The following KIF13A variants were observed in gnomAD, a reference collection of about 807,000 sequenced individuals.
KIF13A encodes kinesin-like protein KIF13A.
A neutral mutation model predicts 212.2 loss-of-function variants in KIF13A; 79 were observed. That is an observed-to-expected ratio of 0.37 (90% CI 0.31 to 0.45). The LOEUF (loss-of-function observed/expected upper bound fraction) is 0.45, where lower values mean the gene tolerates loss of function less well. KIF13A is among the 20% of genes least tolerant of loss of function. The pLI, the probability that KIF13A is intolerant of heterozygous loss-of-function variation, is 1.00. For missense variants in KIF13A, 1,901 were observed against 2,209.0 expected, an observed-to-expected ratio of 0.86 and a Z score of 2.79; for synonymous variants, 789 against 808.6, an observed-to-expected ratio of 0.98 and a Z score of 0.41.
rs1439749920 is a variant in KIF13A at position 17,963,522 on chromosome 6, C to A, written c.146+23532G>T. On this transcript the variant is annotated intron_variant, in intron 2 of 38. Coordinates refer to ENST00000259711, the MANE Select transcript of KIF13A (RefSeq NM_022113.6). The surrounding 1 kb of genome is among the most constrained non-coding windows in gnomAD (Gnocchi z 4.1). ...TATATTACCGATGACCACAAAAGGG[C>A]CCCAAGAGATTTGAGATTTGTAGGA... is the stretch of plus-strand genomic sequence containing the variant. 1.3e-5 allele frequency among the ~76,000 whole-genome samples: 2 copies of A among 152,152 alleles called. No homozygotes were observed. The highest frequency in any genetic ancestry group is 2.9e-5 in the Non-Finnish European group (2 of 68,028).
chr6:17,967,091 T>A lies in KIF13A; in HGVS notation c.146+19963A>T, dbSNP rs898140100. 3.9e-5 allele frequency among the ~76,000 whole-genome samples: 6 copies of A among 152,186 alleles called. No individual in the cohort carries two copies. The highest frequency in any genetic ancestry group is 2.0e-4 in the Admixed American group (3 of 15,274). ...ATTATGCACTTTCTCAGGGGAAAAG[T>A]AATCCGAGGAGATAAAAACTTTGGT... is the stretch of plus-strand genomic sequence containing the variant. On this transcript the variant is annotated intron_variant, in intron 2 of 38. Transcript: ENST00000259711. This position sits in a 1 kb window ranked among gnomAD's most constrained non-coding sequence, Gnocchi z 4.1.
intron 6 of KIF13A, 130 bp from the exon 7 acceptor site, chr6:17,852,172 C>T (rs918819934): frequency 2.3e-6 from 1 of 443,264 alleles, no homozygotes; most frequent in Non-Finnish European, 4.0e-6. Context: ...CCCAACAAAT[C>T]TAAAAGCTAC....
intron 2 of KIF13A, among the ~76,000 whole-genome samples, chr6:17,974,615 AGAG>A (rs2150618110): frequency 6.6e-6 from 1 of 152,122 alleles, no homozygotes; most frequent in African/African-American, 2.4e-5. Context: ...ACTAAGTTTT[AGAG>A]TAGTTAAGCA....
intron 4 of KIF13A, among the ~76,000 whole-genome samples, chr6:17,863,372 C>CT (rs35627842): frequency 0.05 from 7,012 of 139,702 alleles, 518 homozygotes; most frequent in African/African-American, 0.17. Context: ...AAAATACTTT[C>CT]TTTTTTTTTT....
Position 17,856,604 on chromosome 6 carries a change from G to C in KIF13A, c.221-482C>G, listed in dbSNP as rs557541398. 2.0e-5 allele frequency among the ~76,000 whole-genome samples: 3 copies of C among 152,296 alleles called. No homozygotes were observed. In the East Asian group the frequency reaches 5.8e-4, roughly 29 times the overall value. On this transcript the variant is annotated intron_variant, in intron 4 of 38. Coordinates refer to ENST00000259711, the MANE Select transcript of KIF13A (RefSeq NM_022113.6). The surrounding 1 kb of genome is among the most constrained non-coding windows in gnomAD (Gnocchi z 4.5). ...TGCTGAGGATGGATTGACAACTTCAGCTGCTGTTTGTAGATTCACAGGCAC... is the reference window on the plus strand; with the variant it reads ...TGCTGAGGATGGATTGACAACTTCACCTGCTGTTTGTAGATTCACAGGCAC...
At chr6:17,930,197 A>C (rs578209809) in intron 2 of KIF13A, among the ~76,000 whole-genome samples, 5 of 152,322 alleles carry the variant, frequency 3.3e-5, no homozygotes, top group South Asian at 4.1e-4. Flanking sequence ...GAAAAAAAAG[A>C]AGCACAATTT....
rs1162938037 is a variant in KIF13A, at chr6:17,771,897, C to G, written c.4476+11G>C. On this transcript the variant is annotated intron_variant, in intron 37 of 38. Coordinates refer to ENST00000259711, the MANE Select transcript of KIF13A (RefSeq NM_022113.6). This position sits in a 1 kb window ranked among gnomAD's most constrained non-coding sequence, Gnocchi z 5.4. ...TCTATTCTGCATAGTACAGACAAGT[C>G]AAGCATTTACCTCCTGGCTTAGAAG... The G allele has an allele frequency of 1.2e-6, 2 of 1,613,702 alleles. No individual in the cohort carries two copies. Among genetic ancestry groups the G allele is most frequent in the Non-Finnish European group, 1.7e-6 (2 of 1,179,724 alleles).
chr6:17,906,995 T>G (rs193182031), intron 2 of KIF13A, among the ~76,000 whole-genome samples: 90 of 152,280 alleles, frequency 5.9e-4, no homozygotes, highest in African/African-American at 2.0e-3. Flanking sequence ...ATTTCAGAGG[T>G]AGCACATTTC....
In KIF13A at chr6:17,915,948, TA is replaced by T. The variant is rs1212179293; in HGVS notation, c.147-17769del. ...AGAGAGCCAGTCTCAAAAAAAAAAA[TA>T]AAAATAAAAATAAAATAAAATAAAA... On this transcript the variant is annotated intron_variant, in intron 2 of 38. Coordinates refer to ENST00000259711, the MANE Select transcript of KIF13A (RefSeq NM_022113.6). This position sits in a 1 kb window ranked among gnomAD's most constrained non-coding sequence, Gnocchi z 4.4. Among the ~76,000 whole-genome samples, 11 of 123,314 alleles carry T rather than the reference TA, an allele frequency of 8.9e-5. No individual in the cohort carries two copies. Among genetic ancestry groups the T allele is most frequent in the African/African-American group, 3.9e-4 (11 of 28,218 alleles). The allele number at this position is 123,314 out of a possible 152,430, so 80.9% of individuals were successfully genotyped here.
At chr6:17,881,951 G>C in intron 3 of KIF13A, 1 of 451,472 alleles carries the variant, frequency 2.2e-6, no homozygotes, top group Non-Finnish European at 4.4e-6. Flanking sequence ...AGCTGAGATT[G>C]TGCCACTGCA....
intron 9 of KIF13A, among the ~76,000 whole-genome samples, chr6:17,844,507 T>C (rs912473779): frequency 4.6e-5 from 7 of 152,224 alleles, no homozygotes; most frequent in African/African-American, 1.7e-4. Context: ...GCAGGACGTC[T>C]CCGAGCTTTT....
chr6:17,874,999 G>GCGCGCGCGCACACACA (rs913365480), intron 3 of KIF13A, among the ~76,000 whole-genome samples: 13 of 120,266 alleles, frequency 1.1e-4, no homozygotes, highest in African/African-American at 4.0e-4. Flanking sequence ...ACACGCACAC[G>GCGCGCGCGCACACACA]CACGCACACA....
chr6:17,830,811 C>CA (rs1765380828), intron 13 of KIF13A, among the ~76,000 whole-genome samples: 1 of 152,156 alleles, frequency 6.6e-6, no homozygotes, highest in Non-Finnish European at 1.5e-5. Context: ...CACCATCTCA[C>CA]ACCTAGAGCC....
chr6:17,780,582 C>T lies in KIF13A; in HGVS notation c.3846+148G>A, dbSNP rs528293936. The T allele has an allele frequency of 2.6e-5, 19 of 722,174 alleles. No individual in the cohort carries two copies. The South Asian group carries it at 3.3e-4, about 13-fold the overall frequency. 44.7% of individuals were successfully genotyped at this position (722,174 alleles called of 1,614,324 possible). A position where few individuals can be genotyped will look rare whatever the true frequency, so the allele number is the denominator to read the frequency against. On this transcript the variant is annotated intron_variant, in intron 31 of 38. Transcript: ENST00000259711. ...ACCTCTGCTATCCTAATGCCCACTA[C>T]CTTGGATAAATGAGAATCAGACTAT...
At position 17,764,227 on chromosome 6, in the gene KIF13A, T is replaced by G. The variant is rs756474302; in HGVS notation, c.5301A>C (p.Lys1767Asn). 3 of 1,614,014 alleles carry G rather than the reference T, an allele frequency of 1.9e-6. No individual in the cohort carries two copies. The highest frequency in any genetic ancestry group is 1.7e-6 in the Non-Finnish European group (2 of 1,179,900). Residue 1767 changes from lysine to asparagine, a missense_variant, in exon 39 of 39, where the codon AAA (lysine) becomes AAC (asparagine). By Grantham distance (94) the Lys-to-Asn change is moderately conservative (BLOSUM62 0). This residue lies in a region of KIF13A where 687 missense variants were observed against 759.1 expected (regional missense o/e 0.90). Coordinates refer to ENST00000259711, the MANE Select transcript of KIF13A (RefSeq NM_022113.6). This position sits in a 1 kb window ranked among gnomAD's most constrained non-coding sequence, Gnocchi z 5.1. ...CATCGGAGACAGTCTTGCCGCCTGT[T>G]TTATTTGGTAGACTCCTCCTACTGG... ...ELSSRRSLPN[K>N]TGGKTVSDGL...
In KIF13A at chr6:17,804,510, C is replaced by T; in HGVS notation, c.2305G>A (p.Ala769Thr). 6.3e-7 allele frequency: 1 copy of T among 1,591,192 alleles called. No homozygotes were observed. The highest frequency in any genetic ancestry group is 8.6e-7 in the Non-Finnish European group (1 of 1,167,690). Residue 769 changes from alanine to threonine, a missense_variant and splice_region_variant, in exon 20 of 39, where the codon GCA becomes ACA. Physicochemically the swap from Ala to Thr is moderately conservative, Grantham distance 58. Transcript: ENST00000259711. ...YQEWKEKVPE[A>T]KRLYGKRGDP... ...CCTCGTTTTCCGTAGAGTCTCTTTG[C>T]CTGAGAAGTAGGAGGGGCCAGTGAG...
chr6:17,840,136 T>C (rs1435831288), intron 9 of KIF13A, among the ~76,000 whole-genome samples: 2 of 152,152 alleles, frequency 1.3e-5, no homozygotes, highest in African/African-American at 4.8e-5. Flanking sequence ...GATGAAAATG[T>C]TTTAAAATGA....
At chr6:17,761,277 G>A (rs1242406615), downstream of KIF13A, among the ~76,000 whole-genome samples, 1 of 152,082 alleles carries the variant, frequency 6.6e-6, no homozygotes, top group Admixed American at 6.5e-5. Flanking sequence ...ACAGAGTCTC[G>A]TTATGTTGCC....
chr6:17,976,269 A>T (rs1027182773), intron 2 of KIF13A, among the ~76,000 whole-genome samples: 5 of 152,200 alleles, frequency 3.3e-5, no homozygotes, highest in African/African-American at 1.2e-4. Flanking sequence ...CGGGCTGCAC[A>T]GGAGCCCACG....
Sources: allele counts gnomAD v4.1 joint callset (sites outside exome capture counted in the v4.1 genomes callset), GRCh38; gene constraint gnomAD v4.1.1; regional missense constraint gnomAD v4.1.1; non-coding constraint Gnocchi (gnomAD v3.1); transcripts MANE v1.5; gene names NCBI Gene and HGNC (gene_info 2026-07-23, HGNC 2026-07-21).